The following MEGF6 variants were observed in gnomAD, a reference collection of about 807,000 sequenced individuals.
MEGF6 encodes multiple EGF like domains 6, also known as multiple epidermal growth factor-like domains protein 6.
In MEGF6, 184 loss-of-function variants were observed where a neutral mutation model predicts 207.1. That is an observed-to-expected ratio of 0.89 (90% CI 0.79 to 1.00). The LOEUF (loss-of-function observed/expected upper bound fraction) is 1.00, where lower values mean the gene tolerates loss of function less well. Ranked by LOEUF, MEGF6 falls within the 50% of genes least tolerant of loss-of-function variation. MEGF6 has a pLI of 0.00. For synonymous variants in MEGF6, 1,038 were observed against 910.0 expected, an observed-to-expected ratio of 1.14 and a Z score of -2.53; for missense variants, 2,282 against 2,202.9, an observed-to-expected ratio of 1.04 and a Z score of -0.72.
chr1:3,560,212 A>C lies in MEGF6; in HGVS notation c.481+19613T>G, dbSNP rs541598961. Among the ~76,000 whole-genome samples, 49 of 152,222 alleles carry C rather than the reference A, an allele frequency of 3.2e-4. No homozygotes were observed. Among genetic ancestry groups the C allele is most frequent in the Admixed American group, 1.5e-3 (23 of 15,292 alleles). The stretch of plus-strand genomic sequence containing the variant: ...TATGGAAAAACTGGACAGAAAGTAC[A>C]GAGTTTCCTTCTCCCAACACACATA... On this transcript the variant is annotated intron_variant, in intron 4 of 36. Transcript: ENST00000356575. The surrounding 1 kb of genome is among the most constrained non-coding windows in gnomAD (Gnocchi z 4.0).
chr1:3,497,742 A>G (rs1569942845), intron 26 of MEGF6: 2 of 381,266 alleles, frequency 5.2e-6, no homozygotes, highest in East Asian at 1.6e-4. Flanking sequence ...AGCCAGCGAC[A>G]GCCCTGAGGC....
Position 3,498,485 on chromosome 1 carries a change from C to A in MEGF6, c.3238G>T (p.Asp1080Tyr). The A allele has an allele frequency of 6.3e-7, 1 of 1,579,112 alleles. No homozygotes were observed. The highest frequency in any genetic ancestry group is 1.1e-5 in the South Asian group (1 of 87,564). ...CTGTGCCGGCAGCCAGCTCTGACGT[C>A]CCGGGGGAGGCACTCTACAGGAGCA... is the stretch of plus-strand genomic sequence containing the variant. ...LACEKECLPR[D>Y]VRAGCRHSGG... Residue 1080 changes from aspartate to tyrosine, a missense_variant, in exon 26 of 37, where the codon GAC (aspartate) becomes TAC (tyrosine). Transcript: ENST00000356575.
intron 10 of MEGF6, among the ~76,000 whole-genome samples, 153 bp downstream of exon 10, chr1:3,510,630 G>C (rs1641307360): frequency 6.6e-6 from 1 of 152,096 alleles, no homozygotes; most frequent in African/African-American, 2.4e-5. Context: ...GCACACAGCA[G>C]GCGCTCAACC....
intron 4 of MEGF6, among the ~76,000 whole-genome samples, chr1:3,540,657 C>A (rs1213123195): frequency 6.6e-6 from 1 of 152,240 alleles, no homozygotes; most frequent in African/African-American, 2.4e-5. Flanking sequence ...CTGGGAAGTC[C>A]AAGATCCAGG....
intron 2 of MEGF6, among the ~76,000 whole-genome samples, chr1:3,596,454 C>T (rs1482635285): frequency 2.1e-5 from 3 of 141,692 alleles, no homozygotes; most frequent in South Asian, 2.2e-4. Context: ...CCATCCCCTG[C>T]CAAGCCCCCA....
chr1:3,547,990 C>T (rs961333139), intron 4 of MEGF6, among the ~76,000 whole-genome samples: 2 of 152,322 alleles, frequency 1.3e-5, no homozygotes, highest in African/African-American at 4.8e-5. Flanking sequence ...GCCCACCCAC[C>T]CCTGCTGAAC....
chr1:3,616,545 C>G, the MEGF6 span, among the ~76,000 whole-genome samples: 1 of 152,114 alleles, frequency 6.6e-6, no homozygotes, highest in Non-Finnish European at 1.5e-5. Context: ...CAGGTGATGG[C>G]CAGAGACGGG....
At chr1:3,614,023 G>A (rs1235429132), upstream of MEGF6, among the ~76,000 whole-genome samples, 3 of 152,156 alleles carry the variant, frequency 2.0e-5, no homozygotes, top group Non-Finnish European at 4.4e-5. Context: ...AAATCCCTGC[G>A]GTCAGGACAC....
chr1:3,492,338 G>A (rs1487195605), intron 35 of MEGF6, among the ~76,000 whole-genome samples: 15 of 152,290 alleles, frequency 9.8e-5, no homozygotes, highest in African/African-American at 3.6e-4. Context: ...CAGGCCCCCG[G>A]TGCAGTTTGC....
chr1:3,611,166 G>A lies in MEGF6; in HGVS notation c.103C>T (p.Arg35Trp). Residue 35 changes from arginine to tryptophan, a missense_variant, in exon 1 of 37, where the codon CGG becomes TGG. Transcript: ENST00000356575. ...AVPVGASVPP[R>W]PLLPLQPGMP... ...CCGGGCTGCAGCGGGAGCAGGGGCC[G>A]CGGCGGAACGCTGGCGCCCACGGGC... 6.5e-7 allele frequency: 1 copy of A among 1,537,066 alleles called. No homozygotes were observed. The highest frequency in any genetic ancestry group is 8.7e-7 in the Non-Finnish European group (1 of 1,151,496).
chr1:3,509,849 C>A, intron 11 of MEGF6, 21 bp downstream of exon 11: 1 of 1,536,980 alleles, frequency 6.5e-7, no homozygotes, highest in African/African-American at 1.4e-5. Flanking sequence ...GCCGGTGCTC[C>A]GCGGAGGGCG....
intron 26 of MEGF6, chr1:3,497,632 G>C (rs532451935): frequency 1.4e-5 from 9 of 641,904 alleles, no homozygotes; most frequent in South Asian, 1.4e-4. Context: ...CTGCAGGGAC[G>C]AGACAGATAG....
chr1:3,566,139 T>C (rs966400762), intron 4 of MEGF6, among the ~76,000 whole-genome samples: 7 of 152,226 alleles, frequency 4.6e-5, no homozygotes, highest in Admixed American at 2.0e-4. Context: ...CTCCTTCTCC[T>C]GCAGTCACTG....
chr1:3,618,012 G>A, the MEGF6 span, among the ~76,000 whole-genome samples: 120 of 152,292 alleles, frequency 7.9e-4, no homozygotes, highest in African/African-American at 2.1e-3. The surrounding 1 kb of genome is among the most constrained non-coding windows in gnomAD (Gnocchi z 4.7). Flanking sequence ...CCTCCACAGC[G>A]GGTGCTGCCC....
In MEGF6 at chr1:3,595,195, G is replaced by A. The variant is rs575261945; in HGVS notation, c.376+143C>T. Reference sequence around the variant, plus strand: ...GTCGCTTTTGCAGCCTTTGGCAAACGGCGTTGCTGAGCGAGTGTTCCCTGA... The same window carrying A: ...GTCGCTTTTGCAGCCTTTGGCAAACAGCGTTGCTGAGCGAGTGTTCCCTGA... On this transcript the variant is annotated intron_variant, in intron 3 of 36. Coordinates refer to ENST00000356575, the MANE Select transcript of MEGF6 (RefSeq NM_001409.4). 68 of 598,368 alleles carry A rather than the reference G, an allele frequency of 1.1e-4. 1 individual carries two copies. The highest frequency in any genetic ancestry group is 1.0e-3 in the South Asian group (48 of 46,438). The allele number at this position is 598,368 out of a possible 1,614,324, so 37.1% of individuals were successfully genotyped here.
chr1:3,531,581 G>A, intron 4 of MEGF6: 2 of 837,224 alleles, frequency 2.4e-6, no homozygotes, highest in Non-Finnish European at 2.9e-6. Flanking sequence ...GCATTCCAGC[G>A]TGCGCGCTCC....
intron 5 of MEGF6, among the ~76,000 whole-genome samples, chr1:3,521,908 A>G (rs1220510089): frequency 2.0e-5 from 3 of 152,220 alleles, no homozygotes; most frequent in Non-Finnish European, 4.4e-5. Flanking sequence ...AAATGGGGCT[A>G]GTCCTCACGT....
chr1:3,569,508 G>A lies in MEGF6; in HGVS notation c.481+10317C>T, dbSNP rs185281876. On this transcript the variant is annotated intron_variant, in intron 4 of 36. Coordinates refer to ENST00000356575, the MANE Select transcript of MEGF6 (RefSeq NM_001409.4). Reference sequence around the variant, plus strand: ...GGAATCTGGATGGGACAGGATGGCCGAGGCAAGGATCAGGGGACTCAAAGG... The same window carrying A: ...GGAATCTGGATGGGACAGGATGGCCAAGGCAAGGATCAGGGGACTCAAAGG... Among the ~76,000 whole-genome samples, 22 of 152,360 alleles carry A rather than the reference G, an allele frequency of 1.4e-4. No homozygotes were observed. In the East Asian group the frequency reaches 3.5e-3, roughly 24 times the overall value.
chr1:3,505,158 C>A, intron 17 of MEGF6, 50 bp downstream of exon 17: 2 of 1,596,940 alleles, frequency 1.3e-6, no homozygotes, highest in Non-Finnish European at 1.7e-6. Flanking sequence ...AGGCAGGCAG[C>A]CTACACCCCA....
Sources: allele counts gnomAD v4.1 joint callset (sites outside exome capture counted in the v4.1 genomes callset), GRCh38; gene constraint gnomAD v4.1.1; non-coding constraint Gnocchi (gnomAD v3.1); transcripts MANE v1.5; gene names NCBI Gene and HGNC (gene_info 2026-07-23, HGNC 2026-07-21).